The following NR3C1 variants were observed in gnomAD, a reference collection of about 807,000 sequenced individuals.
The protein encoded by NR3C1 is nuclear receptor subfamily 3 group C member 1.
Under a neutral mutation model 74.0 loss-of-function variants are expected in NR3C1, and 14 were observed. The ratio of observed to expected loss-of-function variants is 0.19; its 90% CI spans 0.12 to 0.30. The LOEUF is 0.30. NR3C1 is among the 10% of genes least tolerant of loss of function. NR3C1 has a pLI of 1.00. For missense variants in NR3C1, 695 were observed against 909.8 expected (o/e 0.76, Z 3.04); for synonymous variants, 308 against 332.5 (o/e 0.93, Z 0.80).
chr5:143,346,405 G>A (rs1829295366), intron 2 of NR3C1, among the ~76,000 whole-genome samples: 1 of 152,188 alleles, frequency 6.6e-6, no homozygotes, highest in South Asian at 2.1e-4. Flanking sequence ...TGTAACAGAA[G>A]AGGAAAACAG....
chr5:143,427,752 A>G (rs569691634), intron 1 of NR3C1, among the ~76,000 whole-genome samples: 10 of 152,334 alleles, frequency 6.6e-5, no homozygotes, highest in African/African-American at 2.4e-4. Flanking sequence ...TGTAGTGGCT[A>G]GGTATCCACA....
chr5:143,407,442 T>G (rs1841152437), upstream of NR3C1: 1 of 152,258 alleles, frequency 6.6e-6, no homozygotes, highest in African/African-American at 2.4e-5. Context: ...TATAGTATTC[T>G]GCATACTTTG....
intron 4 of NR3C1, among the ~76,000 whole-genome samples, chr5:143,309,851 C>A (rs1221404108): frequency 6.6e-6 from 1 of 152,062 alleles, no homozygotes; most frequent in African/African-American, 2.4e-5. Context: ...AATTTCCTTT[C>A]TTTGTATATA....
At chr5:143,396,919 G>A (rs544951012) in intron 2 of NR3C1, among the ~76,000 whole-genome samples, 8 of 151,798 alleles carry the variant, frequency 5.3e-5, no homozygotes, top group African/African-American at 1.4e-4. Flanking sequence ...ATGTGCCTTC[G>A]TCAATAAGTT....
At chr5:143,380,682 C>A (rs907389063) in intron 2 of NR3C1, among the ~76,000 whole-genome samples, 1 of 151,876 alleles carries the variant, frequency 6.6e-6, no homozygotes, top group African/African-American at 2.4e-5. Flanking sequence ...GAGAAGAGAG[C>A]CAAATAGGAA....
chr5:143,405,648 A>T (rs541118837), upstream of NR3C1, among the ~76,000 whole-genome samples: 1 of 152,194 alleles, frequency 6.6e-6, no homozygotes, highest in Non-Finnish European at 1.5e-5. Context: ...CCATCTTGGC[A>T]AAGGAAGAGA....
rs61757446 is a variant in NR3C1, at chr5:143,409,994, C to G, written c.-13-9142G>C. On this transcript the variant is annotated intron_variant, in intron 1 of 8. Transcript: ENST00000343796. ...TGGCAGAACTTAGTTTAAGCAATACCTGATTCAAGGATGAGGCAGCTATCA... is the reference window on the plus strand; with the variant it reads ...TGGCAGAACTTAGTTTAAGCAATACGTGATTCAAGGATGAGGCAGCTATCA... 4.0e-4 allele frequency among the ~76,000 whole-genome samples: 61 copies of G among 152,292 alleles called. 1 individual carries two copies. Among genetic ancestry groups the G allele is most frequent in the African/African-American group, 1.1e-3 (46 of 41,552 alleles).
chr5:143,333,092 T>A (rs1266746296), intron 2 of NR3C1: 1 of 1,594,820 alleles, frequency 6.3e-7, no homozygotes, highest in Admixed American at 1.7e-5. Flanking sequence ...CAGGGAAGCA[T>A]TTCCAGGAGA....
intron 2 of NR3C1, among the ~76,000 whole-genome samples, chr5:143,358,406 A>G (rs1831567566): frequency 6.6e-6 from 1 of 152,226 alleles, no homozygotes; most frequent in Non-Finnish European, 1.5e-5. Flanking sequence ...TGAATATGAT[A>G]GCATCCTTTG....
chr5:143,405,025 T>G (rs1841010770), upstream of NR3C1: 1 of 699,796 alleles, frequency 1.4e-6, no homozygotes, highest in Non-Finnish European at 1.8e-6. Flanking sequence ...GAACTCGTGG[T>G]CCGTCCTGAG....
chr5:143,344,573 G>GA (rs35335992), intron 2 of NR3C1, among the ~76,000 whole-genome samples: 21 of 149,776 alleles, frequency 1.4e-4, no homozygotes, highest in East Asian at 3.9e-4. Flanking sequence ...ACGTTGATGA[G>GA]AAAAAAAAAA....
chr5:143,368,457 T>C (rs966631477), intron 2 of NR3C1, among the ~76,000 whole-genome samples: 5 of 151,696 alleles, frequency 3.3e-5, no homozygotes, highest in African/African-American at 1.2e-4. Flanking sequence ...TGGGAGAAAT[T>C]GTCCTCAAAT....
rs1812899773 is a variant in NR3C1 at position 143,280,296 on chromosome 5, G to A, written c.*1593C>T. On this transcript the variant is annotated 3_prime_UTR_variant, in exon 9 of 9. Transcript: ENST00000394464. The stretch of plus-strand genomic sequence containing the variant: ...ATTTTAATAAATTGCATGTAAAGCT[G>A]CAGTAGCCCTTCCCTTCCCAGATTA... 6.6e-6 allele frequency: 1 copy of A among 152,524 alleles called. No individual in the cohort carries two copies. The highest frequency in any genetic ancestry group is 2.4e-5 in the African/African-American group (1 of 41,434). The allele number at this position is 152,524 out of a possible 1,614,324, so 9.4% of individuals were successfully genotyped here. A position where few individuals can be genotyped will look rare whatever the true frequency, so the allele number is the denominator to read the frequency against.
chr5:143,294,927 CAG>C (rs1418510218), intron 7 of NR3C1: 19 of 985,240 alleles, frequency 1.9e-5, no homozygotes, highest in Non-Finnish European at 2.3e-5. Context: ...AGTAATCTCA[CAG>C]AAGTTCGTTT....
chr5:143,404,292 C>G (rs369349130), upstream of NR3C1: 23 of 985,646 alleles, frequency 2.3e-5, no homozygotes, highest in East Asian at 9.1e-4. Context: ...GCGTCTCGGC[C>G]GCGCTCGGGG....
At chr5:143,282,767 C>CT (rs757086104) in intron 7 of NR3C1, 42 bp from the exon 8 acceptor site, 3 of 1,480,176 alleles carry the variant, frequency 2.0e-6, no homozygotes, top group South Asian at 1.3e-5. Flanking sequence ...TTTTCTTTTT[C>CT]TTTTCTTTTC....
At chr5:143,317,946 T>TTACA (rs1822512773) in intron 2 of NR3C1, among the ~76,000 whole-genome samples, 1 of 152,118 alleles carries the variant, frequency 6.6e-6, no homozygotes, top group African/African-American at 2.4e-5. Flanking sequence ...AGAATCAGCT[T>TTACA]TACATACAGA....
upstream of NR3C1, among the ~76,000 whole-genome samples, chr5:143,408,255 T>C (rs1841180156): frequency 6.6e-6 from 1 of 152,176 alleles, no homozygotes; most frequent in South Asian, 2.1e-4. Context: ...GAATGTAACC[T>C]TGGGCAGGCT....
upstream of NR3C1, among the ~76,000 whole-genome samples, chr5:143,406,683 C>T (rs1841125545): frequency 6.6e-6 from 1 of 152,138 alleles, no homozygotes; most frequent in South Asian, 2.1e-4. Context: ...AATATGAGGA[C>T]AACAGGCTTA....
Sources: allele counts gnomAD v4.1 joint callset (sites outside exome capture counted in the v4.1 genomes callset), GRCh38; gene constraint gnomAD v4.1.1; transcripts MANE v1.5; gene names NCBI Gene and HGNC (gene_info 2026-07-23, HGNC 2026-07-21).